Variants in PLEKHA7 observed in about 807,000 individuals in gnomAD.
PLEKHA7 encodes pleckstrin homology domain-containing family A member 7.
A neutral mutation model predicts 170.0 loss-of-function variants in PLEKHA7; 104 were observed. The observed-to-expected ratio is 0.61, with a 90% confidence interval of 0.52 to 0.72. The LOEUF (loss-of-function observed/expected upper bound fraction) is 0.72. Ranked by LOEUF, PLEKHA7 falls within the 30% of genes least tolerant of loss-of-function variation. The probability of loss-of-function intolerance (pLI) is 0.00; values close to 1 mark genes in which losing one functional copy is unlikely to be tolerated. For synonymous variants in PLEKHA7, 648 were observed against 660.8 expected, an observed-to-expected ratio of 0.98 and a Z score of 0.30; for missense variants, 1,615 against 1,671.7, an observed-to-expected ratio of 0.97 and a Z score of 0.59.
intron 3 of PLEKHA7, among the ~76,000 whole-genome samples, chr11:16,996,719 G>A (rs897886281): frequency 1.3e-5 from 2 of 152,058 alleles, no homozygotes; most frequent in South Asian, 2.1e-4. Flanking sequence ...GGCGGATCAC[G>A]AGGTCACGAG....
chr11:16,783,586 A>T, intron 25 of PLEKHA7, 114 bp downstream of exon 25: 1 of 1,185,582 alleles, frequency 8.4e-7, no homozygotes, highest in Non-Finnish European at 1.1e-6. Context: ...GGCTTACCTG[A>T]GACGAAGACC....
At chr11:16,927,659 T>C (rs1325935521) in intron 3 of PLEKHA7, among the ~76,000 whole-genome samples, 3 of 152,252 alleles carry the variant, frequency 2.0e-5, no homozygotes, top group East Asian at 3.8e-4. Flanking sequence ...GAAGGAAGCA[T>C]GCAATGACCT....
intron 3 of PLEKHA7, among the ~76,000 whole-genome samples, chr11:16,874,248 T>C (rs1855103228): frequency 6.6e-6 from 1 of 152,200 alleles, no homozygotes; most frequent in Non-Finnish European, 1.5e-5. Flanking sequence ...GGCTCACACC[T>C]GTAATCCTAG....
At position 16,783,313 on chromosome 11, in the gene PLEKHA7, G is replaced by C. The variant is rs76140655; in HGVS notation, c.3650+387C>G. Among the ~76,000 whole-genome samples, 89 of 152,342 alleles carry C rather than the reference G, an allele frequency of 5.8e-4. 1 individual carries two copies. Among genetic ancestry groups the C allele is most frequent in the Non-Finnish European group, 9.1e-4 (62 of 68,026 alleles). ...CCTACGGACAAGGCTGGCACCCTTGGCTCTGATCCGCTGGTCTGCATGAGG... is the reference window on the plus strand; with the variant it reads ...CCTACGGACAAGGCTGGCACCCTTGCCTCTGATCCGCTGGTCTGCATGAGG... On this transcript the variant is annotated intron_variant, in intron 25 of 26. Coordinates refer to ENST00000531066, the MANE Select transcript of PLEKHA7 (RefSeq NM_001329630.2).
At chr11:16,818,121 C>T (rs1300055511) in intron 10 of PLEKHA7, among the ~76,000 whole-genome samples, 1 of 152,272 alleles carries the variant, frequency 6.6e-6, no homozygotes, top group African/African-American at 2.4e-5. Context: ...CCAGCCTCCT[C>T]CACACCTTAG....
intron 4 of PLEKHA7, among the ~76,000 whole-genome samples, chr11:16,857,432 G>A (rs187435978): frequency 6.6e-6 from 1 of 152,368 alleles, no homozygotes; most frequent in East Asian, 1.9e-4. Flanking sequence ...CACTGGGAGG[G>A]AGAATGTCAC....
chr11:16,835,781 G>A (rs1851465298), intron 9 of PLEKHA7, among the ~76,000 whole-genome samples: 1 of 152,178 alleles, frequency 6.6e-6, no homozygotes, highest in East Asian at 1.9e-4. Flanking sequence ...TAAGCACTGG[G>A]AGGAGATACC....
At chr11:16,906,915 T>C (rs576236594) in intron 3 of PLEKHA7, among the ~76,000 whole-genome samples, 1 of 143,924 alleles carries the variant, frequency 6.9e-6, no homozygotes, top group South Asian at 2.3e-4. Flanking sequence ...GTCTGAGATG[T>C]GGGGAGCGCC....
chr11:16,942,345 G>T (rs1860752407), intron 3 of PLEKHA7, among the ~76,000 whole-genome samples: 1 of 152,190 alleles, frequency 6.6e-6, no homozygotes, highest in African/African-American at 2.4e-5. Flanking sequence ...AACCACTTCT[G>T]CATCCCTGAC....
chr11:16,858,108 G>C lies in PLEKHA7; in HGVS notation c.306-2194C>G, dbSNP rs148182290. Among the ~76,000 whole-genome samples the C allele has an allele frequency of 8.6e-3, 1,313 of 152,298 alleles. 21 individuals carry two copies. The highest frequency in any genetic ancestry group is 0.029 in the African/African-American group (1,219 of 41,548). On this transcript the variant is annotated intron_variant, in intron 4 of 26. Transcript: ENST00000531066. ...TTTGAGAAATACAAGAAAAAACTGAGAGAAAAACATCACCCATAGTCCAGC... is the reference window on the plus strand; with the variant it reads ...TTTGAGAAATACAAGAAAAAACTGACAGAAAAACATCACCCATAGTCCAGC...
At chr11:17,012,755 T>C (rs1191619662) in intron 3 of PLEKHA7, among the ~76,000 whole-genome samples, 1 of 152,176 alleles carries the variant, frequency 6.6e-6, no homozygotes, top group Non-Finnish European at 1.5e-5. Flanking sequence ...GATGCAGTTA[T>C]GAGCCAGAGA....
chr11:16,790,936 G>A (rs1317506653), intron 20 of PLEKHA7, 21 bp from the exon 21 acceptor site: 2 of 1,613,818 alleles, frequency 1.2e-6, no homozygotes, highest in Admixed American at 3.3e-5. Context: ...AGTCCCAGGT[G>A]ATGTGACCTG....
chr11:16,908,788 G>A (rs1038393631), intron 3 of PLEKHA7, among the ~76,000 whole-genome samples: 10 of 152,132 alleles, frequency 6.6e-5, no homozygotes, highest in African/African-American at 2.4e-5. Context: ...GAGCCACCGC[G>A]CCCAGCCAAG....
At chr11:16,914,374 G>A (rs929070196) in intron 3 of PLEKHA7, among the ~76,000 whole-genome samples, 5 of 152,042 alleles carry the variant, frequency 3.3e-5, no homozygotes, top group East Asian at 1.9e-4. Flanking sequence ...CTATTTCATC[G>A]GCACAGCCAT....
At chr11:16,906,224 T>TAGGAAGGAAGGAAGGAACGAAGGAAGGA (rs1857655023) in intron 3 of PLEKHA7, among the ~76,000 whole-genome samples, 6 of 116,310 alleles carry the variant, frequency 5.2e-5, no homozygotes, top group African/African-American at 2.3e-4. Flanking sequence ...TAAAATGAGG[T>TAGGAAGGAAGGAAGGAACGAAGGAAGGA]AGGAAGGAAG....
chr11:16,803,069 G>A lies in PLEKHA7; in HGVS notation c.2077-17C>T. ...CAGTTTGACCTAAAAGCAAGAACAG[G>A]TGGAGAGGGCCTGGGGTGATGAGAA... On this transcript the variant is annotated splice_polypyrimidine_tract_variant and intron_variant, in intron 14 of 26. Transcript: ENST00000531066. 1.2e-6 allele frequency: 2 copies of A among 1,608,152 alleles called. No homozygotes were observed. The highest frequency in any genetic ancestry group is 8.5e-7 in the Non-Finnish European group (1 of 1,174,528).
chr11:16,980,049 G>A (rs1863330468), intron 3 of PLEKHA7, among the ~76,000 whole-genome samples: 1 of 152,174 alleles, frequency 6.6e-6, no homozygotes, highest in Non-Finnish European at 1.5e-5. Flanking sequence ...ATGACCAACA[G>A]CCACAGGAAG....
chr11:16,854,872 C>T lies in PLEKHA7; in HGVS notation c.522+17G>A. 1.2e-6 allele frequency: 2 copies of T among 1,608,854 alleles called. No individual in the cohort carries two copies. Among genetic ancestry groups the T allele is most frequent in the South Asian group, 1.1e-5 (1 of 90,962 alleles). On this transcript the variant is annotated intron_variant, in intron 6 of 26. Transcript: ENST00000531066. ...AGAGCCATTTCCTCCAGGATTCTCA[C>T]TCCTCGGCTTCCTCACCTGCTTGTG...
chr11:17,009,126 G>A (rs1370282032), intron 3 of PLEKHA7, among the ~76,000 whole-genome samples: 1 of 152,130 alleles, frequency 6.6e-6, no homozygotes. Flanking sequence ...TCTCCTTCAA[G>A]ATGCATGGCC....
Sources: allele counts gnomAD v4.1 joint callset (sites outside exome capture counted in the v4.1 genomes callset), GRCh38; gene constraint gnomAD v4.1.1; transcripts MANE v1.5; gene names NCBI Gene and HGNC (gene_info 2026-07-23, HGNC 2026-07-21).